CABIN1: variants seen among roughly 807,000 people sequenced by gnomAD.
The protein encoded by CABIN1 is calcineurin-binding protein cabin-1.
CABIN1 carries 133 observed loss-of-function variants against 227.7 expected under a neutral mutation model. That is an observed-to-expected ratio of 0.58 (90% CI 0.51 to 0.67). The LOEUF is 0.67. CABIN1 is among the 30% of genes least tolerant of loss of function. CABIN1 has a pLI of 0.00. For missense variants in CABIN1, 2,408 were observed against 2,852.5 expected (o/e 0.84, Z 3.55); for synonymous variants, 1,086 against 1,155.1 (o/e 0.94, Z 1.21).
chr22:24,043,623 G>A (rs1188622076), intron 6 of CABIN1, among the ~76,000 whole-genome samples: 5 of 152,036 alleles, frequency 3.3e-5, no homozygotes, highest in Non-Finnish European at 5.9e-5. Context: ...TTGATGGTGC[G>A]TGACTGTCAT....
At chr22:24,100,155 T>C (rs76073651) in intron 26 of CABIN1, among the ~76,000 whole-genome samples, 2 of 152,180 alleles carry the variant, frequency 1.3e-5, no homozygotes, top group East Asian at 1.9e-4. Context: ...TTAAAAAAAA[T>C]GTCTTCAAAG....
chr22:24,064,498 T>A lies in CABIN1; in HGVS notation c.2037+311T>A, dbSNP rs372003698. Among the ~76,000 whole-genome samples, 375 of 145,056 alleles carry A rather than the reference T, an allele frequency of 2.6e-3. 7 individuals are homozygous for A. The South Asian group carries it at 0.038, about 15-fold the overall frequency. On this transcript the variant is annotated intron_variant, in intron 15 of 36. Coordinates refer to ENST00000263119, the MANE Select transcript of CABIN1 (RefSeq NM_012295.4). Reference sequence around the variant, plus strand: ...CTGGGATTACAGGTGTGAGCCACTGTGCCCAGCTGAAAGGTTTTTTTTTTT... The same window carrying A: ...CTGGGATTACAGGTGTGAGCCACTGAGCCCAGCTGAAAGGTTTTTTTTTTT...
intron 29 of CABIN1, among the ~76,000 whole-genome samples, chr22:24,137,280 G>C (rs1419476237): frequency 6.6e-6 from 1 of 152,200 alleles, no homozygotes; most frequent in Non-Finnish European, 1.5e-5. Flanking sequence ...AGCTGGGGAA[G>C]CCGGCCCCTC....
intron 3 of CABIN1, among the ~76,000 whole-genome samples, chr22:24,036,890 T>C (rs980583563): frequency 3.3e-5 from 5 of 152,050 alleles, no homozygotes; most frequent in African/African-American, 7.2e-5. Context: ...ACCTACCCAG[T>C]GCCCCCTCCC....
intron 31 of CABIN1, among the ~76,000 whole-genome samples, chr22:24,166,051 C>G (rs950967206): frequency 3.3e-5 from 5 of 152,206 alleles, no homozygotes; most frequent in African/African-American, 1.2e-4. Context: ...GGAGGTTAAG[C>G]AGCCAGCCTA....
chr22:24,019,750 T>G lies in CABIN1; in HGVS notation c.-75+8383T>G, dbSNP rs952710694. 4.1e-5 allele frequency among the ~76,000 whole-genome samples: 6 copies of G among 147,956 alleles called. No individual in the cohort carries two copies. The Admixed American group carries it at 4.1e-4, about 10-fold the overall frequency. ...TTAGCTCACCACAACCTCTGCTTCC[T>G]GGGTTCAAGCAATTCTCCTGCTTCA... On this transcript the variant is annotated intron_variant, in intron 1 of 36. Coordinates refer to ENST00000263119, the MANE Select transcript of CABIN1 (RefSeq NM_012295.4).
At chr22:24,100,541 C>T (rs887693259) in intron 26 of CABIN1, among the ~76,000 whole-genome samples, 2 of 152,246 alleles carry the variant, frequency 1.3e-5, no homozygotes, top group African/African-American at 4.8e-5. Flanking sequence ...CTAGTTTCCA[C>T]TCAGCTTCTT....
chr22:24,017,620 G>A (rs2035399070), intron 1 of CABIN1, among the ~76,000 whole-genome samples: 1 of 152,166 alleles, frequency 6.6e-6, no homozygotes, highest in South Asian at 2.1e-4. Flanking sequence ...TTACTGTAAT[G>A]TCTTCAAGGT....
rs1003721483 is a variant in CABIN1, at chr22:24,072,288, C to G, written c.2476-66C>G. Reference sequence around the variant, plus strand: ...GCTCCCCAAGAGGCCTCCTGCCTCCCTTCAGTCTGCCCTGAAGGCTTACCC... The same window carrying G: ...GCTCCCCAAGAGGCCTCCTGCCTCCGTTCAGTCTGCCCTGAAGGCTTACCC... On this transcript the variant is annotated intron_variant, in intron 17 of 36. Coordinates refer to ENST00000263119, the MANE Select transcript of CABIN1 (RefSeq NM_012295.4). 7.5e-6 allele frequency: 12 copies of G among 1,593,020 alleles called. No individual in the cohort carries two copies. The African/African-American group carries it at 1.5e-4, about 20-fold the overall frequency.
chr22:24,041,121 G>A lies in CABIN1; in HGVS notation c.211-18G>A, dbSNP rs753118300. 4 of 1,614,112 alleles carry A rather than the reference G, an allele frequency of 2.5e-6. No homozygotes were observed. Among genetic ancestry groups the A allele is most frequent in the Non-Finnish European group, 3.4e-6 (4 of 1,179,970 alleles). ...GCTTCAAGGTCTAGTTGTCACTTCT[G>A]TTCTGTTTTGTTCACAGGCAGTTTC... is the stretch of plus-strand genomic sequence containing the variant. On this transcript the variant is annotated intron_variant, in intron 4 of 36. Coordinates refer to ENST00000263119, the MANE Select transcript of CABIN1 (RefSeq NM_012295.4).
chr22:24,096,890 C>T (rs973719630), intron 25 of CABIN1, among the ~76,000 whole-genome samples: 1 of 152,204 alleles, frequency 6.6e-6, no homozygotes, highest in African/African-American at 2.4e-5. Flanking sequence ...CTGACCCCTG[C>T]CTGACTGGGC....
chr22:24,177,728 T>C lies in CABIN1; in HGVS notation c.6430T>C (p.Phe2144Leu), dbSNP rs1411629687. The C allele has an allele frequency of 1.9e-6, 3 of 1,612,520 alleles. No individual in the cohort carries two copies. The highest frequency in any genetic ancestry group is 1.3e-5 in the African/African-American group (1 of 74,944). ...GGTCATCCCCTCCGCCGCCACCAAG[T>C]TCCCCCCTGAGATCACCGTCACGCC... is the stretch of plus-strand genomic sequence containing the variant. ...KLVIPSAATK[F>L]PPEITVTPPT... The change falls in exon 36 of 37, where the codon TTC (phenylalanine) becomes CTC (leucine). Residue 2144 changes from phenylalanine (F) to leucine (L), a missense_variant. Around this residue, in one of 3 missense-constraint regions of CABIN1, gnomAD observed 714 missense variants for 773.8 expected, o/e 0.92. Transcript: ENST00000263119. This position sits in a 1 kb window ranked among gnomAD's most constrained non-coding sequence, Gnocchi z 4.4.
In CABIN1 at chr22:24,061,020, T is replaced by C. The variant is rs564790037; in HGVS notation, c.1617+879T>C. 3.5e-4 allele frequency among the ~76,000 whole-genome samples: 54 copies of C among 152,344 alleles called. 1 individual carries two copies. Among genetic ancestry groups the C allele is most frequent in the African/African-American group, 1.3e-3 (52 of 41,580 alleles). The stretch of plus-strand genomic sequence containing the variant: ...CTGGTCTGGAACTCCTGGGCTCAAG[T>C]GATCCTGATGCCTTGGCATCCCAAA... On this transcript the variant is annotated intron_variant, in intron 12 of 36. Coordinates refer to ENST00000263119, the MANE Select transcript of CABIN1 (RefSeq NM_012295.4).
intron 18 of CABIN1, among the ~76,000 whole-genome samples, chr22:24,075,310 T>A (rs191173714): frequency 6.6e-5 from 10 of 152,256 alleles, no homozygotes; most frequent in African/African-American, 2.4e-4. Context: ...TATAAGTCGT[T>A]AATGGGTTAT....
rs1373372219 is a variant in CABIN1 at position 24,178,311 on chromosome 22, C to A, written c.*115C>A. 7.5e-7 allele frequency: 1 copy of A among 1,337,934 alleles called. No individual in the cohort carries two copies. The highest frequency in any genetic ancestry group is 1.0e-6 in the Non-Finnish European group (1 of 967,954). 82.9% of individuals were successfully genotyped at this position (1,337,934 alleles called of 1,614,324 possible). A position where few individuals can be genotyped will look rare whatever the true frequency, so the allele number is the denominator to read the frequency against. On this transcript the variant is annotated 3_prime_UTR_variant, in exon 37 of 37. Coordinates refer to ENST00000263119, the MANE Select transcript of CABIN1 (RefSeq NM_012295.4). ...CACATGGATGCCACTCCCCACACAG[C>A]CCCCAGGCCTGCCCAGCCCACCTCC...
intron 28 of CABIN1, among the ~76,000 whole-genome samples, chr22:24,126,769 C>T (rs1424123878): frequency 1.3e-5 from 2 of 152,094 alleles, no homozygotes; most frequent in Non-Finnish European, 1.5e-5. Flanking sequence ...GAGGCCAAGG[C>T]GGGCAAATCA....
intron 26 of CABIN1, among the ~76,000 whole-genome samples, chr22:24,107,965 G>A (rs968188802): frequency 1.6e-4 from 24 of 152,354 alleles, no homozygotes; most frequent in Admixed American, 2.0e-4. Context: ...CTTCAACTGC[G>A]GGGCATGGCC....
intron 27 of CABIN1, among the ~76,000 whole-genome samples, chr22:24,114,991 C>T (rs2043004035): frequency 6.6e-6 from 1 of 152,242 alleles, no homozygotes; most frequent in Non-Finnish European, 1.5e-5. Flanking sequence ...ACCAGGCAGT[C>T]ACTATGCAGT....
rs568944636 is a variant in CABIN1 at position 24,091,804 on chromosome 22, C to T, written c.3747C>T (p.His1249=). The T allele has an allele frequency of 2.0e-5, 33 of 1,613,822 alleles. No individual in the cohort carries two copies. The South Asian group carries it at 3.3e-4, about 16-fold the overall frequency. Residue 1249 remains histidine, a synonymous_variant, in exon 24 of 37, where the codon CAC becomes CAT. Transcript: ENST00000263119. ...EEAARYPKKI[H]YHNPPELAME... is the part of the protein sequence containing the mutation. ...CTGCCCGCTACCCCAAGAAGATCCA[C>T]TACCACAACCCACCTGAGCTGGCCA...
Sources: allele counts gnomAD v4.1 joint callset (sites outside exome capture counted in the v4.1 genomes callset), GRCh38; gene constraint gnomAD v4.1.1; regional missense constraint gnomAD v4.1.1; non-coding constraint Gnocchi (gnomAD v3.1); transcripts MANE v1.5; gene names NCBI Gene and HGNC (gene_info 2026-07-23, HGNC 2026-07-21).